Variants in SCN8A observed in about 807,000 individuals in gnomAD.
SCN8A encodes sodium voltage-gated channel alpha subunit 8.
SCN8A carries 30 observed loss-of-function variants against 184.1 expected under a neutral mutation model. The observed-to-expected ratio is 0.16, with a 90% CI of 0.12 to 0.22. SCN8A has a LOEUF of 0.22. SCN8A is among the 10% of genes least tolerant of loss of function. The pLI is 1.00. For synonymous variants in SCN8A, 852 were observed against 907.0 expected, an observed-to-expected ratio of 0.94 and a Z score of 1.09; for missense variants, 1,057 against 2,498.9, an observed-to-expected ratio of 0.42 and a Z score of 12.30.
intron 26 of SCN8A, 137 bp downstream of exon 26, chr12:51,794,778 C>T: frequency 1.2e-6 from 1 of 804,846 alleles, no homozygotes; most frequent in East Asian, 2.7e-5. Context: ...CCATGTGTGC[C>T]CCTGAGTCAT....
At chr12:51,781,423 T>C (rs1324739805) in intron 21 of SCN8A, among the ~76,000 whole-genome samples, 2 of 152,164 alleles carry the variant, frequency 1.3e-5, no homozygotes, top group Non-Finnish European at 2.9e-5. Flanking sequence ...GCCCATGCTG[T>C]ATGGTCCCCT....
chr12:51,682,568 A>C (rs868038303), intron 2 of SCN8A, among the ~76,000 whole-genome samples: 3 of 152,222 alleles, frequency 2.0e-5, no homozygotes, highest in Non-Finnish European at 4.4e-5. Context: ...AGAAGGATAT[A>C]CAAAAAAACT....
At chr12:51,778,647 G>A (rs1937789587) in intron 20 of SCN8A, among the ~76,000 whole-genome samples, 1 of 152,132 alleles carries the variant, frequency 6.6e-6, no homozygotes, top group Admixed American at 6.5e-5. Context: ...TGCCAGTCAT[G>A]CTGCTTAATT....
chr12:51,786,105 G>T (rs541578270), intron 21 of SCN8A, among the ~76,000 whole-genome samples: 1 of 152,264 alleles, frequency 6.6e-6, no homozygotes, highest in South Asian at 2.1e-4. Flanking sequence ...AACCACAACG[G>T]GTAGTTCTCT....
rs1940094633 is a variant in SCN8A, at chr12:51,627,060, T to C, written c.-55+35701T>C. 3.3e-5 allele frequency among the ~76,000 whole-genome samples: 5 copies of C among 152,172 alleles called. No individual in the cohort carries two copies. The South Asian group carries it at 1.0e-3, about 31-fold the overall frequency. ...GGGGGAAGTAGCATAGTTATATGTA[T>C]GTGTGGCTGAAGGAGTGGGAAGATG... On this transcript the variant is annotated intron_variant, in intron 1 of 26. Coordinates refer to ENST00000627620, the MANE Select transcript of SCN8A (RefSeq NM_001330260.2).
At chr12:51,616,974 A>C (rs955078121) in intron 1 of SCN8A, among the ~76,000 whole-genome samples, 3 of 151,232 alleles carry the variant, frequency 2.0e-5, no homozygotes, top group African/African-American at 7.3e-5. Context: ...GGGAAATTTC[A>C]GTCATTCAAA....
intron 1 of SCN8A, among the ~76,000 whole-genome samples, chr12:51,608,603 T>A (rs115418010): frequency 0.039 from 5,917 of 152,270 alleles, 380 homozygotes; most frequent in African/African-American, 0.13. Flanking sequence ...TTTTGTTTCT[T>A]ATTGAGGTTA....
rs146368486 is a variant in SCN8A, at chr12:51,676,142, ATTT to A, written c.277-8030_277-8028del. Among the ~76,000 whole-genome samples, 1,213 of 152,228 alleles carry A rather than the reference ATTT, an allele frequency of 8.0e-3. 32 individuals are homozygous for A. In the East Asian group the frequency reaches 0.11, roughly 14 times the overall value. ...AATAGAAGTACACGCCTAGGGAAGA[ATTT>A]TGCTGGTGTCTTTATGTCCTGCTTT... On this transcript the variant is annotated intron_variant, in intron 2 of 26. Coordinates refer to ENST00000627620, the MANE Select transcript of SCN8A (RefSeq NM_001330260.2).
intron 21 of SCN8A, among the ~76,000 whole-genome samples, chr12:51,783,134 A>G (rs1937977214): frequency 6.6e-6 from 1 of 152,186 alleles, no homozygotes; most frequent in African/African-American, 2.4e-5. Context: ...GGCTGGTTGG[A>G]CAGGTGAAAA....
chr12:51,769,874 G>A lies in SCN8A; in HGVS notation c.3379G>A (p.Asp1127Asn), dbSNP rs1263183279. ...CTTTTCCTTGCGTGTCTAGAAACTA[G>A]ATGACACCAGCTCCTCTGAAGGAAG... ...SDPEGSKDKL[D>N]DTSSSEGSTI... The change falls in exon 18 of 27, where the codon GAT becomes AAT. Residue 1127 changes from aspartate (D) to asparagine (N), a missense_variant. This residue lies in a region of SCN8A where 178 missense variants were observed against 259.6 expected (regional missense o/e 0.69). Transcript: ENST00000627620. 1.9e-6 allele frequency: 3 copies of A among 1,596,136 alleles called. No homozygotes were observed. The highest frequency in any genetic ancestry group is 4.5e-5 in the East Asian group (2 of 44,354).
chr12:51,766,765 A>T (rs1052510567), intron 16 of SCN8A, among the ~76,000 whole-genome samples: 3 of 152,208 alleles, frequency 2.0e-5, no homozygotes, highest in Non-Finnish European at 4.4e-5. Context: ...ATCACTGGAG[A>T]GTGTGTTAGA....
intron 1 of SCN8A, among the ~76,000 whole-genome samples, chr12:51,623,614 C>CT (rs146037237): frequency 6.6e-5 from 10 of 151,666 alleles, no homozygotes; most frequent in Admixed American, 2.0e-4. Context: ...ACACTATTTT[C>CT]TTTTTTTTTA....
chr12:51,740,935 C>T (rs1448476292), intron 12 of SCN8A, among the ~76,000 whole-genome samples: 1 of 152,160 alleles, frequency 6.6e-6, no homozygotes, highest in Non-Finnish European at 1.5e-5. Context: ...CAGGCATGCA[C>T]CACCATGCCT....
chr12:51,639,562 G>A (rs112866875), intron 1 of SCN8A, among the ~76,000 whole-genome samples: 86 of 152,236 alleles, frequency 5.6e-4, no homozygotes, highest in South Asian at 1.2e-3. Context: ...CTATGGCTGC[G>A]CGCCACAGCG....
intron 1 of SCN8A, among the ~76,000 whole-genome samples, chr12:51,626,062 G>A (rs1940071216): frequency 6.6e-6 from 1 of 152,206 alleles, no homozygotes. Flanking sequence ...TTTCAGTCAG[G>A]AGGCAGAAGG....
chr12:51,607,453 C>T (rs1212556912), intron 1 of SCN8A, among the ~76,000 whole-genome samples: 1 of 152,112 alleles, frequency 6.6e-6, no homozygotes, highest in Non-Finnish European at 1.5e-5. Flanking sequence ...GCTAGGACTT[C>T]CAGTACTATG....
rs1376993528 is a variant in SCN8A at position 51,808,647 on chromosome 12, G to A, written c.*1218G>A. 6.6e-6 allele frequency: 1 copy of A among 152,166 alleles called. No individual in the cohort carries two copies. Among genetic ancestry groups the A allele is most frequent in the Non-Finnish European group, 1.5e-5 (1 of 68,024 alleles). 9.4% of individuals were successfully genotyped at this position (152,166 alleles called of 1,614,324 possible). On this transcript the variant is annotated 3_prime_UTR_variant, in exon 27 of 27. Coordinates refer to ENST00000627620, the MANE Select transcript of SCN8A (RefSeq NM_001330260.2). ...CACCAGTTATCTCTAGGGGTAATTT[G>A]GGGAACTTAAAATGACCTTTCATTG...
chr12:51,760,167 C>G (rs996947720), intron 14 of SCN8A, among the ~76,000 whole-genome samples: 1 of 152,196 alleles, frequency 6.6e-6, no homozygotes, highest in African/African-American at 2.4e-5. Context: ...TATATAATTG[C>G]TGATACACTG....
chr12:51,669,803 C>T (rs937662762), intron 2 of SCN8A, among the ~76,000 whole-genome samples: 1 of 152,188 alleles, frequency 6.6e-6, no homozygotes, highest in Non-Finnish European at 1.5e-5. Flanking sequence ...TACATACACA[C>T]GCAGCCCTAT....
Sources: gnomAD v4.1 joint callset for allele counts (sites outside exome capture counted in the v4.1 genomes callset) on GRCh38, gnomAD v4.1.1 for gene constraint, gnomAD v4.1.1 regional missense constraint, MANE v1.5 for transcripts, NCBI Gene and HGNC (gene_info 2026-07-23, HGNC 2026-07-21) for gene names.